The following SNX29 variants were observed in gnomAD, a reference collection of about 807,000 sequenced individuals.
The protein encoded by SNX29 is sorting nexin 29.
Under a neutral mutation model 102.1 loss-of-function variants are expected in SNX29, and 78 were observed. That is an observed-to-expected ratio of 0.76 (90% CI 0.64 to 0.92). SNX29 has a LOEUF of 0.92. Ranked by LOEUF, SNX29 falls within the 40% of genes least tolerant of loss-of-function variation. SNX29 has a pLI of 0.00. For missense variants in SNX29, 1,280 were observed against 1,061.7 expected (o/e 1.21, Z -2.86); for synonymous variants, 580 against 414.5 (o/e 1.40, Z -4.85).
In SNX29 at chr16:12,005,071, G is replaced by A. The variant is rs188566788; in HGVS notation, c.122+2028G>A. Reference sequence around the variant, plus strand: ...ATTTAAATATGTGTGCCACCACGAAGCCTGTAAGATTTGAAGGCAGAAAGG... The same window carrying A: ...ATTTAAATATGTGTGCCACCACGAAACCTGTAAGATTTGAAGGCAGAAAGG... On this transcript the variant is annotated intron_variant, in intron 3 of 20. Transcript: ENST00000566228. 1.7e-3 allele frequency among the ~76,000 whole-genome samples: 254 copies of A among 152,312 alleles called. 2 individuals are homozygous for A. The highest frequency in any genetic ancestry group is 2.7e-3 in the Admixed American group (41 of 15,288).
intron 4 of SNX29, among the ~76,000 whole-genome samples, chr16:12,037,361 C>G (rs1479133778): frequency 6.6e-6 from 1 of 152,096 alleles, no homozygotes; most frequent in Non-Finnish European, 1.5e-5. Context: ...TCTGGTGGCT[C>G]TGGTAGAACT....
chr16:12,146,178 A>G lies in SNX29; in HGVS notation c.1595+16420A>G, dbSNP rs141168112. Among the ~76,000 whole-genome samples, 66 of 152,248 alleles carry G rather than the reference A, an allele frequency of 4.3e-4. 1 individual carries two copies. Among genetic ancestry groups the G allele is most frequent in the African/African-American group, 1.3e-3 (56 of 41,536 alleles). On this transcript the variant is annotated intron_variant, in intron 13 of 20. Transcript: ENST00000566228. ...CTTATAGATAAAGGCTGCAGTGACT[A>G]TCTCAGTATCTGTGTGTATTTCTCT... is the stretch of plus-strand genomic sequence containing the variant.
At chr16:12,230,125 C>G (rs1056029154) in intron 14 of SNX29, among the ~76,000 whole-genome samples, 1 of 152,176 alleles carries the variant, frequency 6.6e-6, no homozygotes, top group Non-Finnish European at 1.5e-5. Flanking sequence ...AGTTTGTACA[C>G]GTCTGTTCTA....
At chr16:12,003,188 T>C (rs1032389542) in intron 3 of SNX29, 145 bp downstream of exon 3, 74 of 945,192 alleles carry the variant, frequency 7.8e-5, no homozygotes, top group Non-Finnish European at 6.8e-6. Flanking sequence ...AGCCAAGAGG[T>C]GCAGCGCTGA....
rs1426404579 is a variant in SNX29 at position 12,029,984 on chromosome 16, C to T, written c.247+2540C>T. ...GTGATCGGGGCCATTCAGAATATAC[C>T]AGAGACACAGTTACTGTTGCTGAGC... On this transcript the variant is annotated intron_variant, in intron 4 of 20. Transcript: ENST00000566228. 3.3e-5 allele frequency among the ~76,000 whole-genome samples: 5 copies of T among 152,146 alleles called. No homozygotes were observed. The East Asian group carries it at 9.6e-4, about 29-fold the overall frequency.
intron 18 of SNX29, among the ~76,000 whole-genome samples, chr16:12,462,361 G>A (rs1028879918): frequency 3.3e-5 from 5 of 152,070 alleles, no homozygotes; most frequent in Non-Finnish European, 5.9e-5. Flanking sequence ...TTGTATCTGG[G>A]GAGAAGAGGG....
Position 12,338,024 on chromosome 16 carries a change from G to A in SNX29, c.1783-18139G>A, listed in dbSNP as rs772346906. Among the ~76,000 whole-genome samples the A allele has an allele frequency of 8.5e-5, 13 of 152,278 alleles. 1 individual carries two copies. The highest frequency in any genetic ancestry group is 5.2e-4 in the Admixed American group (8 of 15,304). On this transcript the variant is annotated intron_variant, in intron 15 of 20. Transcript: ENST00000566228. ...CTTCACAGCGACTGCCAGAGGAGCC[G>A]AGGAAGCACCTGCATTTGGAGCTAT...
chr16:12,166,655 C>T (rs911355280), intron 13 of SNX29, among the ~76,000 whole-genome samples: 1 of 152,172 alleles, frequency 6.6e-6, no homozygotes, highest in African/African-American at 2.4e-5. Context: ...GTAGACACAG[C>T]TCCTGGAAAA....
At chr16:12,136,813 C>T (rs138723411) in intron 13 of SNX29, among the ~76,000 whole-genome samples, 1,945 of 152,292 alleles carry the variant, frequency 0.013, 47 homozygotes, top group African/African-American at 0.044. Flanking sequence ...GATCTCAGCT[C>T]ACTGCAACCT....
chr16:11,983,217 C>T (rs1340997879), intron 1 of SNX29, among the ~76,000 whole-genome samples: 2 of 150,624 alleles, frequency 1.3e-5, no homozygotes, highest in Non-Finnish European at 2.9e-5. Context: ...AGGTGTGAGC[C>T]ACTGCGCCTG....
rs1488237961 is a variant in SNX29 at position 12,572,430 on chromosome 16, C to A, written c.*3801C>A. The A allele has an allele frequency of 6.6e-6, 7 of 1,063,252 alleles. No homozygotes were observed. The highest frequency in any genetic ancestry group is 6.8e-6 in the Non-Finnish European group (6 of 878,034). The allele number at this position is 1,063,252 out of a possible 1,614,324, so 65.9% of individuals were successfully genotyped here. A position where few individuals can be genotyped will look rare whatever the true frequency, so the allele number is the denominator to read the frequency against. ...GCTCTGTGGCCCAGGCCGGCAGTGG[C>A]TGCCTCTCTTGGTTCTGCATGGTAC... is the stretch of plus-strand genomic sequence containing the variant. On this transcript the variant is annotated 3_prime_UTR_variant, in exon 21 of 21. Coordinates refer to ENST00000566228, the MANE Select transcript of SNX29 (RefSeq NM_032167.5).
chr16:12,120,532 C>T (rs2053928727), intron 11 of SNX29, among the ~76,000 whole-genome samples: 1 of 152,196 alleles, frequency 6.6e-6, no homozygotes, highest in Admixed American at 6.5e-5. Flanking sequence ...ATAATTCCCC[C>T]CCTGGGGGCC....
At chr16:12,222,775 G>A (rs943857686) in intron 14 of SNX29, among the ~76,000 whole-genome samples, 3 of 152,124 alleles carry the variant, frequency 2.0e-5, no homozygotes, top group African/African-American at 7.2e-5. Flanking sequence ...TGCCATGTTG[G>A]CCAGTCTGTT....
chr16:12,524,801 C>T lies in SNX29; in HGVS notation c.2278C>T (p.Pro760Ser). 6.2e-7 allele frequency: 1 copy of T among 1,613,652 alleles called. No individual in the cohort carries two copies. Among genetic ancestry groups the T allele is most frequent in the South Asian group, 1.1e-5 (1 of 91,050 alleles). The change falls in exon 20 of 21, where the codon CCC (proline) becomes TCC (serine). Residue 760 changes from proline to serine, a missense_variant. Coordinates refer to ENST00000566228, the MANE Select transcript of SNX29 (RefSeq NM_032167.5). ...GATGGTCCCCGAGTTCGCTGCCAGCCCCAAGAAGGAGACCCTCATCCAGCT... is the reference window on the plus strand; with the variant it reads ...GATGGTCCCCGAGTTCGCTGCCAGCTCCAAGAAGGAGACCCTCATCCAGCT... ...IQMVPEFAAS[P>S]KKETLIQLMP... is the part of the protein sequence containing the mutation.
At chr16:12,075,984 A>T (rs1420793768) in intron 10 of SNX29, among the ~76,000 whole-genome samples, 1 of 152,178 alleles carries the variant, frequency 6.6e-6, no homozygotes, top group Non-Finnish European at 1.5e-5. Flanking sequence ...TGCGGGATAT[A>T]ATCTCCTCAC....
chr16:12,572,537 C>T lies in SNX29; in HGVS notation c.*3908C>T. 1.9e-6 allele frequency: 2 copies of T among 1,063,304 alleles called. No individual in the cohort carries two copies. Among genetic ancestry groups the T allele is most frequent in the Non-Finnish European group, 1.1e-6 (1 of 878,002 alleles). 65.9% of individuals were successfully genotyped at this position (1,063,304 alleles called of 1,614,324 possible). ...CACGTGCTCAAGCCCCCACAGGGGG[C>T]TGCGACACCATCTGGCTCCTCACAG... On this transcript the variant is annotated 3_prime_UTR_variant, in exon 21 of 21. Transcript: ENST00000566228.
intron 14 of SNX29, among the ~76,000 whole-genome samples, chr16:12,267,622 G>A (rs1179840469): frequency 2.0e-5 from 3 of 152,218 alleles, no homozygotes; most frequent in Non-Finnish European, 4.4e-5. Flanking sequence ...AGCCATGTGT[G>A]CTCAGCTGTT....
At chr16:12,338,710 C>G (rs116045624) in intron 15 of SNX29, among the ~76,000 whole-genome samples, 154 of 152,284 alleles carry the variant, frequency 1.0e-3, no homozygotes, top group African/African-American at 3.2e-3. Context: ...TCATCCTTGA[C>G]CTGTTGCCTT....
intron 8 of SNX29, among the ~76,000 whole-genome samples, chr16:12,057,205 T>C (rs1596720339): frequency 6.6e-6 from 1 of 152,232 alleles, no homozygotes; most frequent in Non-Finnish European, 1.5e-5. Context: ...TACAAACATA[T>C]GCTGTGTCTC....
Sources: gnomAD v4.1 joint callset for allele counts (sites outside exome capture counted in the v4.1 genomes callset) on GRCh38, gnomAD v4.1.1 for gene constraint, MANE v1.5 for transcripts, NCBI Gene and HGNC (gene_info 2026-07-23, HGNC 2026-07-21) for gene names.